Variants in KIRREL1 observed in about 807,000 individuals in gnomAD.
KIRREL1 encodes kin of IRRE-like protein 1.
A neutral mutation model predicts 83.3 loss-of-function variants in KIRREL1; 25 were observed. The ratio of observed to expected loss-of-function variants is 0.30; its 90% CI spans 0.22 to 0.42. KIRREL1 has a LOEUF of 0.42. Among genes scored for constraint, KIRREL1 ranks in the 10% least tolerant of loss-of-function variants. The pLI is 1.00. For synonymous variants in KIRREL1, 388 were observed against 410.4 expected, an observed-to-expected ratio of 0.95 and a Z score of 0.66; for missense variants, 812 against 1,032.3, an observed-to-expected ratio of 0.79 and a Z score of 2.92.
chr1:158,055,692 G>T (rs146411644), intron 1 of KIRREL1, among the ~76,000 whole-genome samples: 1 of 152,188 alleles, frequency 6.6e-6, no homozygotes, highest in Admixed American at 6.5e-5. Flanking sequence ...CCCTCCCTGC[G>T]TCTCCTTCCG....
intron 1 of KIRREL1, among the ~76,000 whole-genome samples, chr1:158,040,965 G>C (rs948326178): frequency 6.6e-6 from 1 of 152,178 alleles, no homozygotes; most frequent in Non-Finnish European, 1.5e-5. Context: ...TAGGGGTAGG[G>C]GGAGCTGGGC....
intron 1 of KIRREL1, among the ~76,000 whole-genome samples, chr1:158,059,190 G>A (rs567482751): frequency 6.6e-6 from 1 of 152,176 alleles, no homozygotes; most frequent in Non-Finnish European, 1.5e-5. Flanking sequence ...CCAAACTGGA[G>A]TCCTTTCACT....
chr1:158,075,442 A>G (rs1028861033), intron 1 of KIRREL1, among the ~76,000 whole-genome samples: 2 of 152,230 alleles, frequency 1.3e-5, no homozygotes, highest in Non-Finnish European at 2.9e-5. Flanking sequence ...CGAAGGATGA[A>G]CACACAGAGC....
intron 8 of KIRREL1, among the ~76,000 whole-genome samples, chr1:158,089,130 C>T (rs1212717755): frequency 1.3e-5 from 2 of 152,122 alleles, no homozygotes; most frequent in African/African-American, 4.8e-5. Context: ...TGCAGAGACC[C>T]CCATTAGACC....
intron 7 of KIRREL1, 55 bp from the exon 8 acceptor site, chr1:158,088,272 G>T: frequency 1.2e-6 from 2 of 1,600,166 alleles, no homozygotes; most frequent in Admixed American, 1.7e-5. Flanking sequence ...AAGATTGATT[G>T]GAGTTAACCC....
rs1264949265 is a variant in KIRREL1 at position 158,093,341 on chromosome 1, G to T, written c.1474G>T (p.Val492Leu). The change falls in exon 12 of 15, where the codon GTG (valine) becomes TTG (leucine). Residue 492 changes from valine to leucine, a missense_variant and splice_region_variant. Physicochemically the swap from Val to Leu is conservative, Grantham distance 32. Transcript: ENST00000359209. ...CACCTTTCCTTCCCCATCGAAAGAG[G>T]TGTTACCTGTGGGCATCATAGCTGG... ...TAIIQLEERE[V>L]LPVGIIAGAT... 6.2e-7 allele frequency: 1 copy of T among 1,613,522 alleles called. No homozygotes were observed. The highest frequency in any genetic ancestry group is 1.7e-5 in the Admixed American group (1 of 60,028).
At position 158,095,456 on chromosome 1, in the gene KIRREL1, C is replaced by T. The variant is rs1471438005; in HGVS notation, c.*336C>T. ...TTAGCATTCCCTTTCTATCCCACCCCTCTGATCTCCCATAAGTGGAAATGG... is the reference window on the plus strand; with the variant it reads ...TTAGCATTCCCTTTCTATCCCACCCTTCTGATCTCCCATAAGTGGAAATGG... On this transcript the variant is annotated 3_prime_UTR_variant, in exon 15 of 15. Coordinates refer to ENST00000359209, the MANE Select transcript of KIRREL1 (RefSeq NM_018240.7). 4.3e-6 allele frequency: 1 copy of T among 232,610 alleles called. No homozygotes were observed. Among genetic ancestry groups the T allele is most frequent in the Non-Finnish European group, 8.3e-6 (1 of 120,558 alleles). The allele number at this position is 232,610 out of a possible 1,614,324, so 14.4% of individuals were successfully genotyped here.
chr1:158,070,455 T>C (rs2101617866), intron 1 of KIRREL1, among the ~76,000 whole-genome samples: 1 of 152,296 alleles, frequency 6.6e-6, no homozygotes, highest in African/African-American at 2.4e-5. Context: ...CATCTTATAA[T>C]TGGGAGTGTT....
At chr1:158,020,713 T>A (rs1400260018) in intron 1 of KIRREL1, among the ~76,000 whole-genome samples, 1 of 152,156 alleles carries the variant, frequency 6.6e-6, no homozygotes, top group African/African-American at 2.4e-5. Context: ...CTAGTTTCTC[T>A]TCCAGCTCAG....
At chr1:158,079,895 A>C (rs886378610) in intron 3 of KIRREL1, among the ~76,000 whole-genome samples, 10 of 152,222 alleles carry the variant, frequency 6.6e-5, no homozygotes, top group African/African-American at 2.4e-4. Context: ...GAGATGTCAG[A>C]ATAAGTGAGG....
At chr1:157,995,673 C>T (rs1659175239) in intron 1 of KIRREL1, among the ~76,000 whole-genome samples, 1 of 152,096 alleles carries the variant, frequency 6.6e-6, no homozygotes, top group Non-Finnish European at 1.5e-5. Flanking sequence ...GAATTGGGGA[C>T]AGAAAGAATT....
intron 3 of KIRREL1, among the ~76,000 whole-genome samples, chr1:158,078,467 G>A (rs934849214): frequency 5.9e-5 from 9 of 152,074 alleles, no homozygotes; most frequent in African/African-American, 2.2e-4. Flanking sequence ...ATGGAGACCC[G>A]GGCCCTCCTT....
chr1:158,053,668 C>A (rs1660966548), intron 1 of KIRREL1, among the ~76,000 whole-genome samples: 1 of 152,172 alleles, frequency 6.6e-6, no homozygotes, highest in Non-Finnish European at 1.5e-5. Context: ...CATTTTCCTC[C>A]TAAACACCAG....
chr1:158,096,471 G>C lies in KIRREL1; in HGVS notation c.*1351G>C, dbSNP rs994069633. 2 of 405,072 alleles carry C rather than the reference G, an allele frequency of 4.9e-6. No homozygotes were observed. The highest frequency in any genetic ancestry group is 1.0e-5 in the Non-Finnish European group (2 of 199,238). 25.1% of individuals were successfully genotyped at this position (405,072 alleles called of 1,614,324 possible). A position where few individuals can be genotyped will look rare whatever the true frequency, so the allele number is the denominator to read the frequency against. On this transcript the variant is annotated 3_prime_UTR_variant, in exon 15 of 15. Coordinates refer to ENST00000359209, the MANE Select transcript of KIRREL1 (RefSeq NM_018240.7). Reference sequence around the variant, plus strand: ...CCCTATGTGGGCGGTTGTGTGGGGAGTGGGTACTTGTGAGCCTCGGACACA... The same window carrying C: ...CCCTATGTGGGCGGTTGTGTGGGGACTGGGTACTTGTGAGCCTCGGACACA...
intron 1 of KIRREL1, among the ~76,000 whole-genome samples, chr1:158,042,851 A>C (rs567179375): frequency 6.7e-6 from 1 of 149,424 alleles, no homozygotes; most frequent in South Asian, 2.1e-4. Context: ...AGGTGGGAGG[A>C]TCATGAGGTC....
intron 1 of KIRREL1, among the ~76,000 whole-genome samples, chr1:158,001,666 G>T (rs1160685049): frequency 6.6e-6 from 1 of 152,184 alleles, no homozygotes; most frequent in Non-Finnish European, 1.5e-5. Context: ...GGCAGGAAGA[G>T]GGAGAGCCTT....
chr1:158,008,594 G>C (rs1304842453), intron 1 of KIRREL1, among the ~76,000 whole-genome samples: 12 of 152,130 alleles, frequency 7.9e-5, no homozygotes, highest in Admixed American at 7.9e-4. Context: ...GAACTTTTCT[G>C]TTTGTGGGGA....
chr1:157,999,026 G>A (rs888388323), intron 1 of KIRREL1, among the ~76,000 whole-genome samples: 1 of 152,058 alleles, frequency 6.6e-6, no homozygotes, highest in Non-Finnish European at 1.5e-5. Context: ...CGCCATGAGT[G>A]CCCTTCAGCC....
intron 1 of KIRREL1, among the ~76,000 whole-genome samples, chr1:157,999,769 G>C (rs957093339): frequency 9.9e-5 from 15 of 152,140 alleles, no homozygotes; most frequent in Non-Finnish European, 1.9e-4. Flanking sequence ...GAAAGAGGCT[G>C]TCATGTCCTT....
Sources: gnomAD v4.1 joint callset for allele counts (sites outside exome capture counted in the v4.1 genomes callset) on GRCh38, gnomAD v4.1.1 for gene constraint, MANE v1.5 for transcripts, NCBI Gene and HGNC (gene_info 2026-07-23, HGNC 2026-07-21) for gene names.